MNS1: variants seen among roughly 807,000 people sequenced by gnomAD.
MNS1 encodes meiosis-specific nuclear structural protein 1.
A neutral mutation model predicts 72.0 loss-of-function variants in MNS1; 63 were observed. That is an observed-to-expected ratio of 0.87 (90% confidence interval 0.71 to 1.08). MNS1 has a LOEUF of 1.08. MNS1 is among the 50% of genes least tolerant of loss of function. The pLI is 0.00. For missense variants in MNS1, 604 were observed against 562.4 expected, an observed-to-expected ratio of 1.07 and a Z score of -0.75; for synonymous variants, 188 against 172.1, an observed-to-expected ratio of 1.09 and a Z score of -0.72.
chr15:56,465,136 G>A lies in MNS1; in HGVS notation c.-164C>T. 1.2e-6 allele frequency: 1 copy of A among 863,980 alleles called. No homozygotes were observed. The allele number at this position is 863,980 out of a possible 1,614,324, so 53.5% of individuals were successfully genotyped here. On this transcript the variant is annotated 5_prime_UTR_variant, in exon 1 of 10. Transcript: ENST00000260453. ...CTGCGCGCCCTCCGCTCGACCAAAA[G>A]TGACCCACGCAGAACGTGGCCTCCC...
In MNS1 at chr15:56,443,727, C is replaced by G. The variant is rs1451114911; in HGVS notation, c.814G>C (p.Glu272Gln). 8 of 1,613,102 alleles carry G rather than the reference C, an allele frequency of 5.0e-6. No homozygotes were observed. Among genetic ancestry groups the G allele is most frequent in the Non-Finnish European group, 6.8e-6 (8 of 1,179,662 alleles). ...EMEEENRKII[E>Q]FANMQQQREE... The stretch of plus-strand genomic sequence containing the variant: ...CTTTGCTGCTGCATGTTAGCAAACT[C>G]TATGATTTTTCTGTTTTCTTCTTCC... The change falls in exon 6 of 10, where the codon GAG becomes CAG. Residue 272 changes from glutamate to glutamine, a missense_variant. Coordinates refer to ENST00000260453, the MANE Select transcript of MNS1 (RefSeq NM_018365.4).
intron 3 of MNS1, among the ~76,000 whole-genome samples, chr15:56,454,248 A>T (rs1567153610): frequency 6.6e-6 from 1 of 152,178 alleles, no homozygotes; most frequent in Admixed American, 6.5e-5. Flanking sequence ...ATTTGTATAT[A>T]TTTATGGGGT....
At chr15:56,461,402 T>C (rs1216995675) in intron 2 of MNS1, among the ~76,000 whole-genome samples, 1 of 152,090 alleles carries the variant, frequency 6.6e-6, no homozygotes, top group Admixed American at 6.5e-5. Flanking sequence ...GGCTGACACA[T>C]GTAATCCCAG....
In MNS1 at chr15:56,428,787, C is replaced by G. The variant is rs991844969; in HGVS notation, c.*314G>C. 2.8e-6 allele frequency: 1 copy of G among 353,886 alleles called. No individual in the cohort carries two copies. The highest frequency in any genetic ancestry group is 2.1e-5 in the African/African-American group (1 of 47,658). The allele number at this position is 353,886 out of a possible 1,614,324, so 21.9% of individuals were successfully genotyped here. On this transcript the variant is annotated 3_prime_UTR_variant, in exon 10 of 10. Coordinates refer to ENST00000260453, the MANE Select transcript of MNS1 (RefSeq NM_018365.4). ...ATCAAGTAAGTAAAGTTCGTAAACA[C>G]AGACAGAAGGCAGTTCACTTTGGGG... is the stretch of plus-strand genomic sequence containing the variant.
At chr15:56,442,333 A>T (rs2050829650) in intron 7 of MNS1, among the ~76,000 whole-genome samples, 1 of 152,158 alleles carries the variant, frequency 6.6e-6, no homozygotes, top group Admixed American at 6.5e-5. Flanking sequence ...CTCCCCAAAA[A>T]ATGAAAACAG....
rs1404295408 is a variant in MNS1 at position 56,431,403 on chromosome 15, A to G, written c.1365T>C (p.His455=). 2 of 1,613,384 alleles carry G rather than the reference A, an allele frequency of 1.2e-6. No individual in the cohort carries two copies. Among genetic ancestry groups the G allele is most frequent in the East Asian group, 4.5e-5 (2 of 44,868 alleles). Reference sequence around the variant, plus strand: ...GGAGATAGCCTAGTAAGTTTGTAGCATGCTCTTTAAGAAGTTTTAGCCTTT... The same window carrying G: ...GGAGATAGCCTAGTAAGTTTGTAGCGTGCTCTTTAAGAAGTTTTAGCCTTT... ...EEERLKLLKE[H]ATNLLGYLPK... is the part of the protein sequence containing the mutation. The change falls in exon 9 of 10, where the codon CAT becomes CAC. Residue 455 remains histidine (H), a synonymous_variant. Transcript: ENST00000260453.
chr15:56,444,378 C>T (rs1254823861), intron 5 of MNS1, 66 bp downstream of exon 5: 1 of 1,395,450 alleles, frequency 7.2e-7, no homozygotes, highest in Non-Finnish European at 9.7e-7. Context: ...TTCAGTTCCT[C>T]ACAACAAACC....
chr15:56,434,111 C>G (rs368692163), intron 8 of MNS1, 27 bp downstream of exon 8: 2 of 1,598,960 alleles, frequency 1.3e-6, no homozygotes, highest in Admixed American at 1.7e-5. Flanking sequence ...TGATAATGAC[C>G]AAAAAAACCC....
chr15:56,445,323 ATTTCT>A (rs2050888787), intron 4 of MNS1, among the ~76,000 whole-genome samples: 1 of 151,972 alleles, frequency 6.6e-6, no homozygotes, highest in Non-Finnish European at 1.5e-5. Flanking sequence ...TAAACCCCTT[ATTTCT>A]TTTGAGCATT....
intron 7 of MNS1, among the ~76,000 whole-genome samples, chr15:56,438,907 C>T (rs1320557691): frequency 6.6e-6 from 1 of 152,118 alleles, no homozygotes; most frequent in Non-Finnish European, 1.5e-5. Context: ...TGTCTACTCT[C>T]ATCACTCTTC....
At chr15:56,435,132 T>C (rs1353972730) in intron 7 of MNS1, among the ~76,000 whole-genome samples, 4 of 152,072 alleles carry the variant, frequency 2.6e-5, no homozygotes, top group African/African-American at 9.7e-5. Flanking sequence ...ATTTGTGAGA[T>C]GCTGCTAAAG....
At chr15:56,454,526 C>CT (rs2050969081) in intron 3 of MNS1, among the ~76,000 whole-genome samples, 1 of 152,102 alleles carries the variant, frequency 6.6e-6, no homozygotes, top group Non-Finnish European at 1.5e-5. Context: ...TTAAGTCATA[C>CT]TTCTTACTGT....
intron 2 of MNS1, among the ~76,000 whole-genome samples, chr15:56,460,001 A>AT (rs2051007058): frequency 2.9e-5 from 1 of 33,900 alleles, no homozygotes; most frequent in African/African-American, 1.1e-4. Context: ...AAAAAAAAAA[A>AT]AAAAAAAAAT....
intron 3 of MNS1, among the ~76,000 whole-genome samples, chr15:56,455,886 G>A (rs914896592): frequency 3.9e-5 from 6 of 152,122 alleles, no homozygotes; most frequent in African/African-American, 1.4e-4. Context: ...CATTTAGTGC[G>A]TTCATATATG....
In MNS1 at chr15:56,460,009, A is replaced by AAAAAATATATAT; in HGVS notation, c.226-3489_226-3488insATATATATTTTT. Among the ~76,000 whole-genome samples, 18 of 26,374 alleles carry AAAAAATATATAT rather than the reference A, an allele frequency of 6.8e-4. 5 individuals are homozygous for AAAAAATATATAT. Among genetic ancestry groups the AAAAAATATATAT allele is most frequent in the South Asian group, 1.5e-3 (1 of 672 alleles). 17.3% of individuals were successfully genotyped at this position (26,374 alleles called of 152,430 possible). ...CTGTCTCAAAAAAAAAAAAAAAAAA[A>AAAAAATATATAT]ATACATATATATATATATATATATA... is the stretch of plus-strand genomic sequence containing the variant. On this transcript the variant is annotated intron_variant, in intron 2 of 9. Transcript: ENST00000260453.
At chr15:56,454,014 G>T (rs1263795566) in intron 3 of MNS1, among the ~76,000 whole-genome samples, 1 of 152,074 alleles carries the variant, frequency 6.6e-6, no homozygotes, top group Admixed American at 6.5e-5. Flanking sequence ...GTCCATTTCT[G>T]CATGACAGTG....
At chr15:56,449,232 T>G (rs2050931396) in intron 3 of MNS1, among the ~76,000 whole-genome samples, 1 of 152,162 alleles carries the variant, frequency 6.6e-6, no homozygotes, top group South Asian at 2.1e-4. Flanking sequence ...ATCCCTGTCT[T>G]CTTCTCAGTG....
chr15:56,443,950 G>GT (rs1243165591), intron 5 of MNS1, 96 bp from the exon 6 acceptor site: 4 of 968,818 alleles, frequency 4.1e-6, no homozygotes, highest in African/African-American at 3.3e-5. Flanking sequence ...AAACACTATA[G>GT]TTTTTTCATT....
intron 7 of MNS1, among the ~76,000 whole-genome samples, chr15:56,438,748 G>C (rs1356590368): frequency 2.0e-5 from 3 of 152,106 alleles, no homozygotes; most frequent in Non-Finnish European, 4.4e-5. Flanking sequence ...CTACCCATCT[G>C]ACCAAGGGGT....
Sources: gnomAD v4.1 joint callset for allele counts (sites outside exome capture counted in the v4.1 genomes callset) on GRCh38, gnomAD v4.1.1 for gene constraint, MANE v1.5 for transcripts, NCBI Gene and HGNC (gene_info 2026-07-23, HGNC 2026-07-21) for gene names.